Variants in RUVBL1 observed in about 807,000 individuals in gnomAD.
The protein encoded by RUVBL1 is ruvB-like 1.
RUVBL1 carries 4 observed loss-of-function variants against 52.4 expected under a neutral mutation model. The ratio of observed to expected loss-of-function variants is 0.08; its 90% CI spans 0.04 to 0.17. The LOEUF (loss-of-function observed/expected upper bound fraction) is 0.17. Ranked by LOEUF, RUVBL1 falls within the 10% of genes least tolerant of loss-of-function variation. The pLI is 1.00. For synonymous variants in RUVBL1, 217 were observed against 214.4 expected, an observed-to-expected ratio of 1.01 and a Z score of -0.10; for missense variants, 298 against 572.8, an observed-to-expected ratio of 0.52 and a Z score of 4.90.
rs1357534847 is a variant in RUVBL1, at chr3:128,153,231, A to G, written c.-68T>C. The G allele has an allele frequency of 7.5e-6, 10 of 1,335,532 alleles. No individual in the cohort carries two copies. In the East Asian group the frequency reaches 2.2e-4, roughly 30 times the overall value. 82.7% of individuals were successfully genotyped at this position (1,335,532 alleles called of 1,614,324 possible). On this transcript the variant is annotated 5_prime_UTR_variant, in exon 1 of 10. Coordinates refer to the RUVBL1 transcript ENST00000464873. ...GAAAGTCCAAATGGCTTCACTTCTCAGAAGGATCCCTCCATCTCGGGCTCC... is the reference window on the plus strand; with the variant it reads ...GAAAGTCCAAATGGCTTCACTTCTCGGAAGGATCCCTCCATCTCGGGCTCC...
At chr3:128,112,813 T>A in intron 3 of RUVBL1, 75 bp downstream of exon 3, 2 of 1,525,784 alleles carry the variant, frequency 1.3e-6, no homozygotes, top group South Asian at 2.5e-5. Context: ...AAAGGCATCT[T>A]CACCACAAAG....
chr3:128,129,300 CTTAAACAATT>C (rs1943840959), intron 1 of RUVBL1, among the ~76,000 whole-genome samples: 1 of 152,140 alleles, frequency 6.6e-6, no homozygotes, highest in Non-Finnish European at 1.5e-5. Context: ...ACCATACATT[CTTAAACAATT>C]AACAGGTCAA....
At chr3:128,079,437 C>T (rs1576437104), downstream of RUVBL1, among the ~76,000 whole-genome samples, 1 of 152,380 alleles carries the variant, frequency 6.6e-6, no homozygotes, top group East Asian at 1.9e-4. Flanking sequence ...TGGGCTAGCA[C>T]ACCTATCCCA....
intron 4 of RUVBL1, 49 bp downstream of exon 4, chr3:128,104,724 C>A: frequency 6.5e-7 from 1 of 1,530,528 alleles, no homozygotes; most frequent in South Asian, 1.2e-5. Flanking sequence ...CCCAAAGCCA[C>A]ACAGTGCTGG....
At chr3:128,118,323 C>G (rs973786469) in intron 2 of RUVBL1, among the ~76,000 whole-genome samples, 1 of 152,056 alleles carries the variant, frequency 6.6e-6, no homozygotes, top group Non-Finnish European at 1.5e-5. Flanking sequence ...TTGTAAGATA[C>G]CAATATAAGA....
chr3:128,077,304 T>A (rs1942363610), downstream of RUVBL1, among the ~76,000 whole-genome samples: 1 of 151,760 alleles, frequency 6.6e-6, no homozygotes, highest in South Asian at 2.1e-4. Flanking sequence ...CCCTGCACCC[T>A]AAGCTCCCCA....
chr3:128,084,768 G>T (rs1942587289), intron 9 of RUVBL1: 1 of 152,246 alleles, frequency 6.6e-6, no homozygotes, highest in South Asian at 2.1e-4. Context: ...CATTGAGTTT[G>T]TTTAAAAACC....
intron 1 of RUVBL1, among the ~76,000 whole-genome samples, chr3:128,141,152 T>C (rs148909748): frequency 1.2e-4 from 19 of 152,348 alleles, no homozygotes; most frequent in African/African-American, 3.4e-4. Flanking sequence ...AATTAAGTCA[T>C]AGGTGTTCCC....
In RUVBL1 at chr3:128,065,732, ATTT is replaced by A. The variant is rs758640768; in HGVS notation, c.940-515_940-513del. Among the ~76,000 whole-genome samples, 4 of 97,506 alleles carry A rather than the reference ATTT, an allele frequency of 4.1e-5. No homozygotes were observed. The East Asian group carries it at 9.1e-4, about 22-fold the overall frequency. The allele number at this position is 97,506 out of a possible 152,430, so 64.0% of individuals were successfully genotyped here. A position where few individuals can be genotyped will look rare whatever the true frequency, so the allele number is the denominator to read the frequency against. On this transcript the variant is annotated intron_variant, in intron 9 of 9. Coordinates refer to the RUVBL1 transcript ENST00000464873. ...AGAATTTGCAGTCAGATCATTAAGAATTTTTTTTTTTTTTTTTTTTTTGAGACG... is the reference window on the plus strand; with the variant it reads ...AGAATTTGCAGTCAGATCATTAAGAATTTTTTTTTTTTTTTTTTTGAGACG...
chr3:128,117,293 G>A (rs1943548295), intron 2 of RUVBL1, among the ~76,000 whole-genome samples: 1 of 152,142 alleles, frequency 6.6e-6, no homozygotes, highest in African/African-American at 2.4e-5. Context: ...AGGACAAAAC[G>A]AGAAGCTCTA....
chr3:128,073,951 G>C (rs1942240121), intron 9 of RUVBL1, among the ~76,000 whole-genome samples: 1 of 152,166 alleles, frequency 6.6e-6, no homozygotes, highest in South Asian at 2.1e-4. Context: ...ATGCTGTCAA[G>C]GAAGAATACA....
At chr3:128,072,714 A>G (rs1201832899) in intron 9 of RUVBL1, among the ~76,000 whole-genome samples, 1 of 152,148 alleles carries the variant, frequency 6.6e-6, no homozygotes, top group African/African-American at 2.4e-5. Flanking sequence ...CAGTATAAAT[A>G]TGTTAGAAAA....
intron 1 of RUVBL1, among the ~76,000 whole-genome samples, chr3:128,135,441 G>A (rs1459410312): frequency 6.6e-6 from 1 of 152,226 alleles, no homozygotes; most frequent in Non-Finnish European, 1.5e-5. Flanking sequence ...GCTGAAGCAG[G>A]AGAATCGCTT....
At chr3:128,120,968 G>A (rs1357389890) in intron 1 of RUVBL1, among the ~76,000 whole-genome samples, 3 of 148,180 alleles carry the variant, frequency 2.0e-5, no homozygotes, top group Non-Finnish European at 3.0e-5. Context: ...GCGACAGAGC[G>A]AGACTCCCTC....
At chr3:128,135,123 T>G (rs1943931282) in intron 1 of RUVBL1, among the ~76,000 whole-genome samples, 1 of 152,170 alleles carries the variant, frequency 6.6e-6, no homozygotes, top group Admixed American at 6.5e-5. Flanking sequence ...GAAAGACTCC[T>G]AAAAGCAGCA....
intron 9 of RUVBL1, chr3:128,071,521 G>A (rs974633249): frequency 8.5e-5 from 13 of 152,674 alleles, no homozygotes; most frequent in African/African-American, 2.7e-4. Context: ...TGTAACCATC[G>A]GCTGGGCCCT....
chr3:128,151,165 T>C (rs1369248976), intron 1 of RUVBL1, among the ~76,000 whole-genome samples: 1 of 131,620 alleles, frequency 7.6e-6, no homozygotes, highest in African/African-American at 2.9e-5. Flanking sequence ...ATATATTCTA[T>C]ATATACTCTA....
chr3:128,077,017 G>A (rs991001172), downstream of RUVBL1, among the ~76,000 whole-genome samples: 1 of 151,754 alleles, frequency 6.6e-6, no homozygotes, highest in African/African-American at 2.4e-5. Context: ...GGCGCCCATC[G>A]GCCCATCTTA....
At chr3:128,153,849 G>C in exon 1 of RUVBL1, 1 of 1,482,688 alleles carries the variant, frequency 6.7e-7, no homozygotes, top group Non-Finnish European at 8.9e-7. Context: ...GGCGGGAGCC[G>C]GGCTCAGGGA....
Sources: allele counts gnomAD v4.1 joint callset (sites outside exome capture counted in the v4.1 genomes callset), GRCh38; gene constraint gnomAD v4.1.1; transcripts MANE v1.5; gene names NCBI Gene and HGNC (gene_info 2026-07-23, HGNC 2026-07-21).